ZNF710: variants seen among roughly 807,000 people sequenced by gnomAD.
ZNF710 encodes zinc finger protein 710.
In ZNF710, 13 loss-of-function variants were observed where a neutral mutation model predicts 50.6. That is an observed-to-expected ratio of 0.26 (90% CI 0.17 to 0.41). The LOEUF (loss-of-function observed/expected upper bound fraction) is 0.41. ZNF710 is among the 10% of genes least tolerant of loss of function. ZNF710 has a pLI of 1.00. For synonymous variants in ZNF710, 383 were observed against 397.0 expected (o/e 0.96, Z 0.42); for missense variants, 721 against 936.6 (o/e 0.77, Z 3.01).
At chr15:90,022,804 G>T (rs959754809) in intron 1 of ZNF710, among the ~76,000 whole-genome samples, 2 of 152,160 alleles carry the variant, frequency 1.3e-5, no homozygotes, top group East Asian at 3.8e-4. Flanking sequence ...TAATGGGCTT[G>T]ATTGTGTTTC....
chr15:90,047,106 T>C (rs1899487151), intron 1 of ZNF710, among the ~76,000 whole-genome samples: 1 of 152,036 alleles, frequency 6.6e-6, no homozygotes, highest in Non-Finnish European at 1.5e-5. Flanking sequence ...TGAAAGAGGT[T>C]CTGGGGGTGG....
At chr15:90,072,767 T>G (rs540287280) in intron 2 of ZNF710, among the ~76,000 whole-genome samples, 1 of 152,286 alleles carries the variant, frequency 6.6e-6, no homozygotes, top group African/African-American at 2.4e-5. Flanking sequence ...CTTAGTGCAC[T>G]AGTACAGACC....
chr15:90,066,264 G>A (rs1186791052), intron 1 of ZNF710, among the ~76,000 whole-genome samples: 1 of 151,994 alleles, frequency 6.6e-6, no homozygotes, highest in Non-Finnish European at 1.5e-5. Context: ...CGTTCATACA[G>A]CCGAGCCATT....
intron 2 of ZNF710, among the ~76,000 whole-genome samples, chr15:90,071,816 T>C (rs1567244572): frequency 6.6e-6 from 1 of 151,836 alleles, no homozygotes; most frequent in Admixed American, 6.6e-5. Context: ...GTAGCTGGGA[T>C]TACAGGCGCA....
In ZNF710 at chr15:90,081,101, G is replaced by C. The variant is rs1900710548; in HGVS notation, c.*1272G>C. ...GTGGGAGGCAGGAGAAGGCAGAGCT[G>C]GGAAGCCCTCCACCCCTGCCTGGCT... On this transcript the variant is annotated 3_prime_UTR_variant, in exon 5 of 5. Coordinates refer to ENST00000268154, the MANE Select transcript of ZNF710 (RefSeq NM_198526.4). 1 of 152,296 alleles carries C rather than the reference G, an allele frequency of 6.6e-6. No individual in the cohort carries two copies. Among genetic ancestry groups the C allele is most frequent in the East Asian group, 1.9e-4 (1 of 5,164 alleles). 9.4% of individuals were successfully genotyped at this position (152,296 alleles called of 1,614,324 possible).
chr15:90,062,055 C>T lies in ZNF710; in HGVS notation c.-28-5055C>T, dbSNP rs1036357157. ...GGCCTGGGAGGTGGAGGTGCCGAGC[C>T]CTGGGAAATAGGGCAGTCCTGGGCT... On this transcript the variant is annotated intron_variant, in intron 1 of 4. Transcript: ENST00000268154. The surrounding 1 kb of genome is among the most constrained non-coding windows in gnomAD (Gnocchi z 5.6). Among the ~76,000 whole-genome samples the T allele has an allele frequency of 2.6e-5, 4 of 151,872 alleles. No individual in the cohort carries two copies. The highest frequency in any genetic ancestry group is 5.9e-5 in the Non-Finnish European group (4 of 67,944).
chr15:90,042,922 A>G (rs891425524), intron 1 of ZNF710, among the ~76,000 whole-genome samples: 3 of 152,234 alleles, frequency 2.0e-5, no homozygotes, highest in African/African-American at 4.8e-5. Context: ...ACACGCCTCA[A>G]CGTCCAAAGA....
chr15:90,057,973 G>T (rs1899876646), intron 1 of ZNF710, among the ~76,000 whole-genome samples: 1 of 152,144 alleles, frequency 6.6e-6, no homozygotes, highest in African/African-American at 2.4e-5. Flanking sequence ...GGGTTTTAGG[G>T]TACTGTGACC....
rs1900683581 is a variant in ZNF710, at chr15:90,079,977, G to A, written c.*148G>A. ...CTCCCCGAGTCATTTGCACCACTAG[G>A]GACCTTTAGACCAAATGGAGACTGT... On this transcript the variant is annotated 3_prime_UTR_variant, in exon 5 of 5. Coordinates refer to ENST00000268154, the MANE Select transcript of ZNF710 (RefSeq NM_198526.4). 1.3e-6 allele frequency: 1 copy of A among 746,044 alleles called. No individual in the cohort carries two copies. Among genetic ancestry groups the A allele is most frequent in the Non-Finnish European group, 2.0e-6 (1 of 494,740 alleles). The allele number at this position is 746,044 out of a possible 1,614,324, so 46.2% of individuals were successfully genotyped here. A position where few individuals can be genotyped will look rare whatever the true frequency, so the allele number is the denominator to read the frequency against.
At chr15:90,046,930 G>C (rs1596286523) in intron 1 of ZNF710, among the ~76,000 whole-genome samples, 2 of 152,194 alleles carry the variant, frequency 1.3e-5, no homozygotes, top group Admixed American at 1.3e-4. Context: ...GCCCAGGGGA[G>C]GAGGCCACCA....
intron 1 of ZNF710, among the ~76,000 whole-genome samples, chr15:90,009,642 C>T (rs1203391082): frequency 2.0e-5 from 3 of 152,086 alleles, no homozygotes; most frequent in Non-Finnish European, 4.4e-5. Flanking sequence ...GGTCTGGGCA[C>T]CCCACATCCT....
chr15:90,023,906 G>C (rs925081240), intron 1 of ZNF710, among the ~76,000 whole-genome samples: 6 of 152,058 alleles, frequency 3.9e-5, no homozygotes, highest in African/African-American at 1.4e-4. Flanking sequence ...AGCTAAGATA[G>C]GCAGATCACT....
intron 1 of ZNF710, among the ~76,000 whole-genome samples, chr15:90,016,577 G>A (rs1444078795): frequency 6.6e-6 from 1 of 152,192 alleles, no homozygotes; most frequent in Non-Finnish European, 1.5e-5. Context: ...AAGTAGCTGG[G>A]ACTACAGGCA....
intron 1 of ZNF710, among the ~76,000 whole-genome samples, chr15:90,017,793 C>T (rs987143848): frequency 1.3e-5 from 2 of 151,962 alleles, no homozygotes; most frequent in Admixed American, 6.6e-5. Flanking sequence ...GGAAACGGTT[C>T]CCAAATGGAT....
chr15:90,034,945 A>G lies in ZNF710; in HGVS notation c.-28-32165A>G, dbSNP rs7177262. 0.14 allele frequency among the ~76,000 whole-genome samples: 20,860 copies of G among 152,242 alleles called. 4,244 individuals carry two copies. Among genetic ancestry groups the G allele is most frequent in the African/African-American group, 0.44 (18,386 of 41,514 alleles). On this transcript the variant is annotated intron_variant, in intron 1 of 4. Transcript: ENST00000268154. This position sits in a 1 kb window ranked among gnomAD's most constrained non-coding sequence, Gnocchi z 4.0. The stretch of plus-strand genomic sequence containing the variant: ...TCAGAGAAAGAGGCTTGATGGCCGG[A>G]GCCCCAGGGCTTCCCTGCTGGTAGA...
In ZNF710 at chr15:90,068,514, C is replaced by A. The variant is rs201387988; in HGVS notation, c.1377C>A (p.Asn459Lys). Residue 459 changes from asparagine to lysine, a missense_variant, in exon 2 of 5, where the codon AAC (asparagine) becomes AAA (lysine). Physicochemically the swap from Asn to Lys is moderately conservative, Grantham distance 94. Around this residue, in one of 3 missense-constraint regions of ZNF710, gnomAD observed 326 missense variants for 522.0 expected, o/e 0.62. Coordinates refer to ENST00000268154, the MANE Select transcript of ZNF710 (RefSeq NM_198526.4). The surrounding 1 kb of genome is among the most constrained non-coding windows in gnomAD (Gnocchi z 5.0). The part of the protein sequence containing the change: ...QLQNHMLKHQ[N>K]VRPFVCTECG... ...AGAACCACATGCTCAAGCACCAGAA[C>A]GTGCGACCCTTCGTGTGCACTGAAT... is the stretch of plus-strand genomic sequence containing the variant. 6.2e-7 allele frequency: 1 copy of A among 1,613,534 alleles called. No homozygotes were observed. The highest frequency in any genetic ancestry group is 1.7e-5 in the Admixed American group (1 of 60,036).
At position 90,068,586 on chromosome 15, in the gene ZNF710, C is replaced by T; in HGVS notation, c.1449C>T (p.Leu483=). The T allele has an allele frequency of 6.3e-7, 1 of 1,598,056 alleles. No individual in the cohort carries two copies. Among genetic ancestry groups the T allele is most frequent in the Non-Finnish European group, 8.5e-7 (1 of 1,174,966 alleles). ...SQIHHLKQHS[L]THKGVKEFKC... The stretch of plus-strand genomic sequence containing the variant: ...TTCACCACCTCAAGCAGCACTCCCT[C>T]ACCCACAAGGTAAGGCCGTTCCCAG... The change falls in exon 2 of 5, where the codon CTC becomes CTT. Residue 483 remains leucine, a synonymous_variant. Transcript: ENST00000268154. This position sits in a 1 kb window ranked among gnomAD's most constrained non-coding sequence, Gnocchi z 5.0.
chr15:90,032,059 C>T (rs370341647), intron 1 of ZNF710, among the ~76,000 whole-genome samples: 42 of 152,292 alleles, frequency 2.8e-4, no homozygotes, highest in African/African-American at 8.7e-4. Flanking sequence ...TGCAGTGGCG[C>T]GATCTCAGCT....
intron 1 of ZNF710, among the ~76,000 whole-genome samples, chr15:90,045,961 C>T (rs1007163780): frequency 5.3e-5 from 8 of 152,150 alleles, no homozygotes; most frequent in Non-Finnish European, 1.2e-4. Flanking sequence ...CTGGGTACCT[C>T]CTCAAAGCAC....
Sources: gnomAD v4.1 joint callset for allele counts (sites outside exome capture counted in the v4.1 genomes callset) on GRCh38, gnomAD v4.1.1 for gene constraint, gnomAD v4.1.1 regional missense constraint, Gnocchi (gnomAD v3.1) non-coding constraint, MANE v1.5 for transcripts, NCBI Gene and HGNC (gene_info 2026-07-23, HGNC 2026-07-21) for gene names.